CEP192: variants seen among roughly 807,000 people sequenced by gnomAD.
The protein encoded by CEP192 is centrosomal protein of 192 kDa.
Under a neutral mutation model 271.8 loss-of-function variants are expected in CEP192, and 151 were observed. The observed-to-expected ratio is 0.56, with a 90% confidence interval of 0.49 to 0.64. CEP192 has a LOEUF of 0.64. Ranked by LOEUF, CEP192 falls within the 30% of genes least tolerant of loss-of-function variation. The pLI, the probability that CEP192 is intolerant of heterozygous loss-of-function variation, is 0.00. For synonymous variants in CEP192, 995 were observed against 1,076.5 expected (o/e 0.92, Z 1.48); for missense variants, 2,910 against 3,020.5 (o/e 0.96, Z 0.86).
At chr18:13,048,759 T>C (rs2143970991) in intron 15 of CEP192, 100 bp from the exon 16 acceptor site, 1 of 751,614 alleles carries the variant, frequency 1.3e-6, no homozygotes, top group Non-Finnish European at 2.2e-6. Flanking sequence ...AGGTATCCAC[T>C]TGGAGGTTTT....
intron 2 of CEP192, among the ~76,000 whole-genome samples, chr18:13,000,789 C>CTAAAAATACAAACATTAGCCT (rs1239000881): frequency 2.6e-5 from 4 of 152,168 alleles, no homozygotes; most frequent in Non-Finnish European, 5.9e-5. Context: ...ACCCTGTTTA[C>CTAAAAATACAAACATTAGCCT]TAAAAATACA....
Position 13,069,828 on chromosome 18 carries a change from C to T in CEP192, c.5146C>T (p.Pro1716Ser). The T allele has an allele frequency of 1.3e-6, 2 of 1,595,414 alleles. No homozygotes were observed. The highest frequency in any genetic ancestry group is 1.7e-6 in the Non-Finnish European group (2 of 1,163,556). The part of the protein sequence containing the change: ...EEHEVIVSFT[P>S]KDPEACEERI... Reference sequence around the variant, plus strand: ...ACATGAGGTTATTGTTTCATTTACTCCAAAGGATCCTGAAGCCTGCGAGGA... The same window carrying T: ...ACATGAGGTTATTGTTTCATTTACTTCAAAGGATCCTGAAGCCTGCGAGGA... Residue 1716 changes from proline (P) to serine (S), a missense_variant, in exon 27 of 45, where the codon CCA becomes TCA. Coordinates refer to ENST00000506447, the MANE Select transcript of CEP192 (RefSeq NM_032142.4).
rs780342373 is a variant in CEP192, at chr18:13,049,131, T to A, written c.2340T>A (p.Asp780Glu). The stretch of plus-strand genomic sequence containing the variant: ...AAAGTAATGGATCCAATGCACTTGA[T>A]ATGGAGAAATACCTTAAAAAAACAG... ...LEKSNGSNALDMEKYLKKTEV... is the reference protein window; with the variant it reads ...LEKSNGSNALEMEKYLKKTEV... Residue 780 changes from aspartate (D) to glutamate (E), a missense_variant, in exon 16 of 45, where the codon GAT becomes GAA. Transcript: ENST00000506447. The A allele has an allele frequency of 1.2e-6, 2 of 1,613,958 alleles. No individual in the cohort carries two copies. The highest frequency in any genetic ancestry group is 8.5e-7 in the Non-Finnish European group (1 of 1,179,944).
intron 14 of CEP192, 145 bp downstream of exon 14, chr18:13,041,101 A>G: frequency 1.6e-6 from 1 of 634,012 alleles, no homozygotes; most frequent in Admixed American, 3.4e-5. Flanking sequence ...GATTTGATTC[A>G]TATGTAACCC....
intron 31 of CEP192, 100 bp from the exon 32 acceptor site, chr18:13,087,431 T>G (rs2144696702): frequency 1.1e-6 from 1 of 909,276 alleles, no homozygotes; most frequent in East Asian, 2.7e-5. Flanking sequence ...TATGCACTTG[T>G]GTCTGTGTCG....
At chr18:13,113,812 C>T in intron 41 of CEP192, 107 bp downstream of exon 41, 2 of 1,028,814 alleles carry the variant, frequency 1.9e-6, no homozygotes, top group East Asian at 5.4e-5. Context: ...GCCCCATAAT[C>T]TTAATTTTCT....
chr18:13,033,783 A>T (rs562939844), intron 11 of CEP192, among the ~76,000 whole-genome samples: 16 of 152,282 alleles, frequency 1.1e-4, no homozygotes, highest in African/African-American at 3.4e-4. Flanking sequence ...TAAATTAAAG[A>T]TAAAGTCCAC....
Position 13,056,020 on chromosome 18 carries a change from A to T in CEP192, c.3430A>T (p.Ser1144Cys). The T allele has an allele frequency of 1.2e-6, 2 of 1,614,220 alleles. No homozygotes were observed. The highest frequency in any genetic ancestry group is 2.2e-5 in the East Asian group (1 of 44,882). Residue 1144 changes from serine (S) to cysteine (C), a missense_variant, in exon 19 of 45, where the codon AGT (serine) becomes TGT (cysteine). Physicochemically the swap from Ser to Cys is moderately radical, Grantham distance 112 (BLOSUM62 -1). Coordinates refer to ENST00000506447, the MANE Select transcript of CEP192 (RefSeq NM_032142.4). ...ATGGAGTAAAGATCCTTCCTCCAAA[A>T]GTGGAAATCTGTTGGAAACCAGTGA... is the stretch of plus-strand genomic sequence containing the variant. ...FRWSKDPSSK[S>C]GNLLETSEVG... is the part of the protein sequence containing the mutation.
At chr18:13,070,076 G>A (rs1245447680) in intron 27 of CEP192, among the ~76,000 whole-genome samples, 4 of 151,934 alleles carry the variant, frequency 2.6e-5, no homozygotes, top group Non-Finnish European at 5.9e-5. Flanking sequence ...CAGGAGAGTC[G>A]CTTGAACCCA....
chr18:13,040,792 A>G, intron 13 of CEP192, 38 bp from the exon 14 acceptor site: 1 of 1,512,184 alleles, frequency 6.6e-7, no homozygotes, highest in Non-Finnish European at 9.0e-7. Flanking sequence ...AAAGCAGTTG[A>G]AAATCAAAGA....
chr18:13,101,666 C>T (rs2039712068), intron 38 of CEP192, among the ~76,000 whole-genome samples: 1 of 152,102 alleles, frequency 6.6e-6, no homozygotes, highest in Non-Finnish European at 1.5e-5. Context: ...CCAGCCTCAG[C>T]CTCCTGCTTC....
chr18:13,114,248 C>G lies in CEP192; in HGVS notation c.7286C>G (p.Pro2429Arg). The G allele has an allele frequency of 6.2e-7, 1 of 1,612,040 alleles. No homozygotes were observed. The highest frequency in any genetic ancestry group is 8.5e-7 in the Non-Finnish European group (1 of 1,179,544). Residue 2429 changes from proline (P) to arginine (R), a missense_variant, in exon 42 of 45, where the codon CCT becomes CGT. By Grantham distance (103) the Pro-to-Arg change is moderately radical (BLOSUM62 -2). Coordinates refer to ENST00000506447, the MANE Select transcript of CEP192 (RefSeq NM_032142.4). ...GTGTCAGAGGCTTCTGCTCGCATAC[C>G]TGAGTATGTTGTTTTTGTCATTCTT... The part of the protein sequence containing the change: ...QAVSEASARI[P>R]EQLDVTARGV...
intron 18 of CEP192, 82 bp from the exon 19 acceptor site, chr18:13,055,698 A>T: frequency 1.0e-6 from 1 of 982,700 alleles, no homozygotes; most frequent in Non-Finnish European, 1.5e-6. Context: ...TCTCTTTGTT[A>T]CTTGAGCTTT....
intron 13 of CEP192, among the ~76,000 whole-genome samples, chr18:13,040,283 A>C (rs949292508): frequency 1.3e-5 from 2 of 152,238 alleles, no homozygotes; most frequent in Non-Finnish European, 2.9e-5. Flanking sequence ...CACTTGGGAA[A>C]GTGAAGACCA....
At position 13,092,474 on chromosome 18, in the gene CEP192, T is replaced by C. The variant is rs1466155214; in HGVS notation, c.6201T>C (p.Ile2067=). 3 of 1,610,044 alleles carry C rather than the reference T, an allele frequency of 1.9e-6. No individual in the cohort carries two copies. The highest frequency in any genetic ancestry group is 1.3e-5 in the African/African-American group (1 of 74,798). Residue 2067 remains isoleucine (I), a synonymous_variant, in exon 34 of 45, where the codon ATT becomes ATC. Transcript: ENST00000506447. The part of the protein sequence containing the change: ...LSVIGEFRDC[I]SSREFLQPSS... ...TAATTGGAGAATTCAGAGATTGCAT[T>C]TCTAGCAGAGAATTCCTTCAGCCTT... is the stretch of plus-strand genomic sequence containing the variant.
intron 38 of CEP192, among the ~76,000 whole-genome samples, chr18:13,100,730 C>G (rs570849995): frequency 6.6e-6 from 1 of 152,194 alleles, no homozygotes; most frequent in Non-Finnish European, 1.5e-5. Context: ...TCCGGGAATC[C>G]TAGGTTTTAT....
In CEP192 at chr18:12,995,307, G is replaced by A. The variant is rs534317078; in HGVS notation, c.-5+3870G>A. Among the ~76,000 whole-genome samples, 873 of 151,812 alleles carry A rather than the reference G, an allele frequency of 5.8e-3. 3 individuals carry two copies. Among genetic ancestry groups the A allele is most frequent in the Middle Eastern group, 0.014 (4 of 294 alleles). ...TCTTGATCTCCTGACCTCGTGATCC[G>A]CCCGCCTCGGCCTCCCAAAGTGCTG... On this transcript the variant is annotated intron_variant, in intron 1 of 44. Transcript: ENST00000506447.
intron 39 of CEP192, chr18:13,103,940 T>G (rs1320188084): frequency 2.2e-6 from 1 of 453,724 alleles, no homozygotes; most frequent in Admixed American, 2.4e-5. Flanking sequence ...TCTTCCCACC[T>G]CAGCCTCCCA....
intron 34 of CEP192, among the ~76,000 whole-genome samples, chr18:13,095,109 T>C (rs114483785): frequency 0.044 from 6,631 of 152,268 alleles, 216 homozygotes; most frequent in East Asian, 0.14. Context: ...GTAATTCTCC[T>C]GCCTCGGCCT....
Sources: gnomAD v4.1 joint callset for allele counts (sites outside exome capture counted in the v4.1 genomes callset) on GRCh38, gnomAD v4.1.1 for gene constraint, MANE v1.5 for transcripts, NCBI Gene and HGNC (gene_info 2026-07-23, HGNC 2026-07-21) for gene names.